The following PALS1 variants were observed in gnomAD, a reference collection of about 807,000 sequenced individuals.
PALS1 encodes protein associated with LIN7 1, MAGUK p55 family member.
Under a neutral mutation model 78.9 loss-of-function variants are expected in PALS1, and 31 were observed. The observed-to-expected ratio is 0.39, with a 90% confidence interval of 0.30 to 0.53. The LOEUF (loss-of-function observed/expected upper bound fraction) is 0.53, where lower values mean the gene tolerates loss of function less well. Ranked by LOEUF, PALS1 falls within the 20% of genes least tolerant of loss-of-function variation. PALS1 has a pLI of 0.67. For missense variants in PALS1, 704 were observed against 826.5 expected (o/e 0.85, Z 1.82); for synonymous variants, 276 against 270.9 (o/e 1.02, Z -0.18).
At chr14:67,244,318 G>C (rs1355912092) in intron 1 of PALS1, among the ~76,000 whole-genome samples, 2 of 152,158 alleles carry the variant, frequency 1.3e-5, no homozygotes, top group African/African-American at 2.4e-5. Context: ...AACATTACTA[G>C]CTACAGCCAA....
At chr14:67,245,935 A>G (rs370543614) in intron 1 of PALS1, among the ~76,000 whole-genome samples, 2 of 151,758 alleles carry the variant, frequency 1.3e-5, no homozygotes, top group East Asian at 1.9e-4. Flanking sequence ...TTATTTTTGT[A>G]TAAAATGAGA....
chr14:67,267,843 A>G (rs969597076), intron 1 of PALS1, among the ~76,000 whole-genome samples: 1 of 152,194 alleles, frequency 6.6e-6, no homozygotes, highest in African/African-American at 2.4e-5. Flanking sequence ...AAATGGAATC[A>G]TACTCGTGTC....
intron 14 of PALS1, among the ~76,000 whole-genome samples, chr14:67,330,692 A>C (rs1435792857): frequency 6.6e-6 from 1 of 152,216 alleles, no homozygotes; most frequent in African/African-American, 2.4e-5. Context: ...TCCCGACCTC[A>C]GGTGATCCAC....
chr14:67,245,382 C>G (rs2083972112), intron 1 of PALS1, among the ~76,000 whole-genome samples: 1 of 152,104 alleles, frequency 6.6e-6, no homozygotes, highest in African/African-American at 2.4e-5. Context: ...TGCATTTCCC[C>G]CATGACTGAG....
intron 14 of PALS1, among the ~76,000 whole-genome samples, chr14:67,328,101 A>T (rs2085387520): frequency 6.6e-6 from 1 of 152,236 alleles, no homozygotes; most frequent in African/African-American, 2.4e-5. Flanking sequence ...TCCCACCAAC[A>T]GTGTAAAAGT....
chr14:67,303,457 C>T (rs546510842), intron 7 of PALS1, 65 bp from the exon 8 acceptor site: 30 of 1,279,754 alleles, frequency 2.3e-5, no homozygotes, highest in Middle Eastern at 2.0e-4. Context: ...GAATATAGAT[C>T]ATAAAATCAT....
intron 14 of PALS1, among the ~76,000 whole-genome samples, chr14:67,330,498 G>C (rs1595624878): frequency 8.5e-6 from 1 of 117,936 alleles, no homozygotes; most frequent in Non-Finnish European, 1.7e-5. Flanking sequence ...CGCTCTTGTT[G>C]CCCAGGCTGG....
intron 14 of PALS1, among the ~76,000 whole-genome samples, chr14:67,329,783 G>T (rs190768962): frequency 6.6e-6 from 1 of 151,988 alleles, no homozygotes; most frequent in Admixed American, 6.6e-5. Flanking sequence ...TGAAGAGGCC[G>T]AGTTCGTGCT....
intron 1 of PALS1, among the ~76,000 whole-genome samples, chr14:67,242,369 A>G (rs1318984679): frequency 6.6e-6 from 1 of 152,202 alleles, no homozygotes; most frequent in African/African-American, 2.4e-5. Flanking sequence ...AAGAATTTAG[A>G]TTTGGAAAGT....
intron 4 of PALS1, among the ~76,000 whole-genome samples, chr14:67,300,538 G>A (rs1045284969): frequency 6.6e-6 from 1 of 152,126 alleles, no homozygotes; most frequent in African/African-American, 2.4e-5. Context: ...ATGTTGGCCA[G>A]GCTGGTCTCG....
In PALS1 at chr14:67,316,874, TAGA is replaced by T. The variant is rs759164106; in HGVS notation, c.1275_1277del (p.Glu425del). 1.6e-5 allele frequency: 25 copies of T among 1,612,126 alleles called. No individual in the cohort carries two copies. The highest frequency in any genetic ancestry group is 4.5e-5 in the East Asian group (2 of 44,744). The stretch of plus-strand genomic sequence containing the variant: ...CAAAGGGAAGCCATGAAACAAACCA[TAGA>T]AGAAGATAAGGAGCCAGAAAAATCA... On this transcript the variant is annotated inframe_deletion, in exon 10 of 15. Coordinates refer to ENST00000261681, the MANE Select transcript of PALS1 (RefSeq NM_022474.4).
chr14:67,324,362 T>C (rs1168797532), intron 14 of PALS1, among the ~76,000 whole-genome samples: 1 of 152,240 alleles, frequency 6.6e-6, no homozygotes, highest in Non-Finnish European at 1.5e-5. Flanking sequence ...ACTTTTTATT[T>C]AAATATGTAA....
intron 2 of PALS1, among the ~76,000 whole-genome samples, chr14:67,275,581 C>CT (rs879217212): frequency 9.9e-5 from 15 of 151,876 alleles, no homozygotes; most frequent in Admixed American, 2.6e-4. Flanking sequence ...CTAAAATTCT[C>CT]TTTTTTTTGT....
At chr14:67,312,814 A>C in intron 9 of PALS1, 104 bp downstream of exon 9, 1 of 932,310 alleles carries the variant, frequency 1.1e-6, no homozygotes, top group Non-Finnish European at 1.5e-6. Context: ...TTAATAAAGT[A>C]TTCCAGTTAC....
chr14:67,264,314 G>A (rs1360073533), intron 1 of PALS1, among the ~76,000 whole-genome samples: 1 of 152,120 alleles, frequency 6.6e-6, no homozygotes, highest in Non-Finnish European at 1.5e-5. Context: ...TGAGTACATA[G>A]TGAGAATCAG....
intron 8 of PALS1, among the ~76,000 whole-genome samples, chr14:67,310,519 G>T (rs1271980952): frequency 2.0e-5 from 3 of 152,144 alleles, no homozygotes; most frequent in Admixed American, 1.3e-4. Context: ...TATGATGGTT[G>T]TTGATTTGGA....
intron 3 of PALS1, among the ~76,000 whole-genome samples, chr14:67,282,111 A>T (rs2084615344): frequency 6.6e-6 from 1 of 152,210 alleles, no homozygotes; most frequent in Non-Finnish European, 1.5e-5. Flanking sequence ...ATCATGAGAA[A>T]TTAGCATAAG....
intron 4 of PALS1, among the ~76,000 whole-genome samples, chr14:67,295,223 G>A (rs767152318): frequency 2.0e-5 from 3 of 151,588 alleles, no homozygotes; most frequent in Admixed American, 6.6e-5. Context: ...GGAGGCTCAC[G>A]CCTGTAATCC....
intron 2 of PALS1, among the ~76,000 whole-genome samples, chr14:67,272,832 A>T (rs2084428962): frequency 6.6e-6 from 1 of 151,690 alleles, no homozygotes; most frequent in South Asian, 2.1e-4. Context: ...ATAATTTTTA[A>T]ATTTTTTGCA....
Sources: allele counts gnomAD v4.1 joint callset (sites outside exome capture counted in the v4.1 genomes callset), GRCh38; gene constraint gnomAD v4.1.1; transcripts MANE v1.5; gene names NCBI Gene and HGNC (gene_info 2026-07-23, HGNC 2026-07-21).